CADPS: variants seen among roughly 807,000 people sequenced by gnomAD.
CADPS encodes calcium-dependent secretion activator 1.
Under a neutral mutation model 167.3 loss-of-function variants are expected in CADPS, and 57 were observed. That is an observed-to-expected ratio of 0.34 (90% confidence interval 0.28 to 0.42). The LOEUF (loss-of-function observed/expected upper bound fraction) is 0.42. CADPS is among the 20% of genes least tolerant of loss of function. The pLI, the probability that CADPS is intolerant of heterozygous loss-of-function variation, is 1.00. For missense variants in CADPS, 1,414 were observed against 1,738.1 expected, an observed-to-expected ratio of 0.81 and a Z score of 3.32; for synonymous variants, 676 against 635.3, an observed-to-expected ratio of 1.06 and a Z score of -0.96.
intron 8 of CADPS, among the ~76,000 whole-genome samples, chr3:62,575,138 T>C (rs833653): frequency 0.52 from 78,355 of 152,064 alleles, 22,637 homozygotes; most frequent in East Asian, 0.69. Context: ...AAAACGAATA[T>C]AGCTACAATA....
chr3:62,627,484 C>T (rs768644196), intron 6 of CADPS, among the ~76,000 whole-genome samples: 13 of 152,038 alleles, frequency 8.6e-5, no homozygotes, highest in East Asian at 1.9e-4. Flanking sequence ...TTTACTAAAA[C>T]GGAAATTTCA....
chr3:62,739,233 G>A (rs966096733), intron 3 of CADPS, among the ~76,000 whole-genome samples: 106 of 152,138 alleles, frequency 7.0e-4, no homozygotes, highest in Admixed American at 3.9e-4. Flanking sequence ...TCCAGGGTGT[G>A]GAATCATTCC....
intron 3 of CADPS, among the ~76,000 whole-genome samples, chr3:62,729,344 G>T (rs2077318376): frequency 6.6e-6 from 1 of 151,986 alleles, no homozygotes; most frequent in African/African-American, 2.4e-5. Flanking sequence ...TCAGGGAGTG[G>T]AAGGATAGAA....
At chr3:62,413,470 C>T (rs2049371074) in intron 28 of CADPS, among the ~76,000 whole-genome samples, 1 of 152,082 alleles carries the variant, frequency 6.6e-6, no homozygotes, top group South Asian at 2.1e-4. Flanking sequence ...CTGTCACATG[C>T]TACAATATAG....
intron 29 of CADPS, 77 bp downstream of exon 29, chr3:62,403,004 A>T: frequency 1.1e-6 from 1 of 889,724 alleles, no homozygotes; most frequent in Non-Finnish European, 1.8e-6. Context: ...CTTTGTGTTA[A>T]GCAAGCTTTG....
chr3:62,578,460 A>T (rs1386882678), intron 8 of CADPS, among the ~76,000 whole-genome samples: 4 of 151,876 alleles, frequency 2.6e-5, no homozygotes, highest in Non-Finnish European at 2.9e-5. Context: ...AATACAAAAA[A>T]TTAGCTGGGC....
chr3:62,820,646 GAAAGCCT>G (rs1260305468), intron 1 of CADPS, among the ~76,000 whole-genome samples: 2 of 152,154 alleles, frequency 1.3e-5, no homozygotes, highest in Non-Finnish European at 2.9e-5. Flanking sequence ...TCTGAAGGGT[GAAAGCCT>G]GAACAGTTGA....
chr3:62,822,452 C>T (rs1399543510), intron 1 of CADPS, among the ~76,000 whole-genome samples: 2 of 152,248 alleles, frequency 1.3e-5, no homozygotes, highest in South Asian at 2.1e-4. Flanking sequence ...ATAAATGAAT[C>T]AATGGATGGA....
At chr3:62,824,418 A>G (rs2073656863) in intron 1 of CADPS, among the ~76,000 whole-genome samples, 2 of 152,182 alleles carry the variant, frequency 1.3e-5, no homozygotes, top group African/African-American at 4.8e-5. Context: ...CTTTATCATC[A>G]GTTGTGAGAG....
intron 8 of CADPS, among the ~76,000 whole-genome samples, chr3:62,582,453 T>C (rs1288406690): frequency 1.3e-5 from 2 of 152,072 alleles, no homozygotes; most frequent in African/African-American, 4.8e-5. Flanking sequence ...CTCAAAAAAA[T>C]TTTTCTTTTC....
intron 9 of CADPS, among the ~76,000 whole-genome samples, chr3:62,564,064 T>G (rs953665420): frequency 6.6e-6 from 1 of 152,076 alleles, no homozygotes; most frequent in Admixed American, 6.6e-5. Context: ...TGCAGTGGCA[T>G]GATCTCGGCT....
At chr3:62,851,793 C>G (rs1258198991) in intron 1 of CADPS, among the ~76,000 whole-genome samples, 1 of 150,180 alleles carries the variant, frequency 6.7e-6, no homozygotes, top group Non-Finnish European at 1.5e-5. Flanking sequence ...GTGGCATTCT[C>G]TGTATTTCCT....
At chr3:62,510,703 C>T (rs2067618423) in intron 17 of CADPS, among the ~76,000 whole-genome samples, 1 of 151,974 alleles carries the variant, frequency 6.6e-6, no homozygotes, top group Non-Finnish European at 1.5e-5. Context: ...TATTTCAGTC[C>T]CCAGTATTCT....
intron 17 of CADPS, among the ~76,000 whole-genome samples, chr3:62,504,400 A>C (rs977027026): frequency 2.0e-5 from 3 of 152,254 alleles, no homozygotes; most frequent in African/African-American, 4.8e-5. Flanking sequence ...CAGTGAATGC[A>C]TGTTACCTGC....
chr3:62,407,011 A>C (rs1708741216), intron 28 of CADPS, among the ~76,000 whole-genome samples: 1 of 152,200 alleles, frequency 6.6e-6, no homozygotes, highest in Admixed American at 6.5e-5. Flanking sequence ...GGGACTAACT[A>C]GCCTTTTATA....
At chr3:62,613,717 G>A (rs534918256) in intron 6 of CADPS, among the ~76,000 whole-genome samples, 7 of 152,304 alleles carry the variant, frequency 4.6e-5, no homozygotes, top group Admixed American at 6.5e-5. Flanking sequence ...AAGGGATGTT[G>A]AGACCAGGGG....
rs1267203884 is a variant in CADPS, at chr3:62,478,368, A to T, written c.3222T>A (p.Leu1074=). The T allele has an allele frequency of 6.2e-7, 1 of 1,613,734 alleles. No individual in the cohort carries two copies. Among genetic ancestry groups the T allele is most frequent in the African/African-American group, 1.3e-5 (1 of 74,898 alleles). The change falls in exon 23 of 30, where the codon CTT becomes CTA. Residue 1074 remains leucine, a synonymous_variant. Coordinates refer to ENST00000383710, the MANE Select transcript of CADPS (RefSeq NM_003716.4). The surrounding 1 kb of genome is among the most constrained non-coding windows in gnomAD (Gnocchi z 5.7). ...AGTGCAGGTCCCGAATGAAGGTCTGAAGGGCGTCAAGTTTCCAAAACAGAT... is the reference window on the plus strand; with the variant it reads ...AGTGCAGGTCCCGAATGAAGGTCTGTAGGGCGTCAAGTTTCCAAAACAGAT... ...SEDLFWKLDA[L]QTFIRDLHWP... is the part of the protein sequence containing the mutation.
intron 3 of CADPS, among the ~76,000 whole-genome samples, chr3:62,683,452 T>TAAATC (rs375665067): frequency 7.1e-4 from 108 of 152,182 alleles, no homozygotes; most frequent in Middle Eastern, 3.4e-3. Context: ...TTTTTTGTAT[T>TAAATC]AAATCAGCTG....
intron 7 of CADPS, among the ~76,000 whole-genome samples, chr3:62,589,655 G>C (rs1339032602): frequency 6.6e-6 from 1 of 152,154 alleles, no homozygotes; most frequent in Non-Finnish European, 1.5e-5. Flanking sequence ...GAGCACTGAG[G>C]GGCTGTGCAC....
Sources: allele counts gnomAD v4.1 joint callset (sites outside exome capture counted in the v4.1 genomes callset), GRCh38; gene constraint gnomAD v4.1.1; non-coding constraint Gnocchi (gnomAD v3.1); transcripts MANE v1.5; gene names NCBI Gene and HGNC (gene_info 2026-07-23, HGNC 2026-07-21).